SLMAP: variants seen among roughly 807,000 people sequenced by gnomAD.
The protein encoded by SLMAP is sarcolemmal membrane-associated protein.
SLMAP carries 44 observed loss-of-function variants against 128.8 expected under a neutral mutation model. The ratio of observed to expected loss-of-function variants is 0.34; its 90% CI spans 0.27 to 0.44. SLMAP has a LOEUF of 0.44. Ranked by LOEUF, SLMAP falls within the 20% of genes least tolerant of loss-of-function variation. The pLI is 1.00. For missense variants in SLMAP, 787 were observed against 985.3 expected, an observed-to-expected ratio of 0.80 and a Z score of 2.69; for synonymous variants, 327 against 348.8, an observed-to-expected ratio of 0.94 and a Z score of 0.70.
chr3:57,866,213 A>G (rs1182770787), intron 13 of SLMAP, among the ~76,000 whole-genome samples: 2 of 152,196 alleles, frequency 1.3e-5, no homozygotes, highest in Non-Finnish European at 2.9e-5. Flanking sequence ...TTGAGGCAGC[A>G]GTGAGCCATA....
chr3:57,794,791 G>A (rs1350193432), intron 2 of SLMAP, among the ~76,000 whole-genome samples: 2 of 152,218 alleles, frequency 1.3e-5, no homozygotes, highest in Non-Finnish European at 2.9e-5. Flanking sequence ...CCATTCTAGA[G>A]ATAGCTACCA....
At chr3:57,816,486 A>G (rs888998430) in intron 2 of SLMAP, among the ~76,000 whole-genome samples, 3 of 152,192 alleles carry the variant, frequency 2.0e-5, no homozygotes. Flanking sequence ...TATAGCATCC[A>G]TTATTTGGAT....
chr3:57,811,165 C>T (rs2090902287), intron 2 of SLMAP, among the ~76,000 whole-genome samples: 1 of 152,100 alleles, frequency 6.6e-6, no homozygotes, highest in African/African-American at 2.4e-5. Flanking sequence ...TGTTCTGTAA[C>T]CATTATCACC....
intron 14 of SLMAP, among the ~76,000 whole-genome samples, chr3:57,872,958 C>T (rs1012211821): frequency 1.6e-4 from 24 of 152,256 alleles, no homozygotes; most frequent in Middle Eastern, 3.4e-3. Context: ...ATGTGCCCCC[C>T]GCTACCCTGC....
intron 2 of SLMAP, among the ~76,000 whole-genome samples, chr3:57,812,853 T>G (rs2153516379): frequency 6.6e-6 from 1 of 152,128 alleles, no homozygotes; most frequent in African/African-American, 2.4e-5. Flanking sequence ...CTTTCCCAAC[T>G]CCCTAAGTTA....
chr3:57,897,823 G>A (rs1350776589), intron 17 of SLMAP: 2 of 152,086 alleles, frequency 1.3e-5, no homozygotes, highest in African/African-American at 4.8e-5. Flanking sequence ...GAATGAAGTG[G>A]GTAGAAAATA....
chr3:57,831,342 A>C, intron 2 of SLMAP, 41 bp from the exon 3 acceptor site: 28 of 1,285,246 alleles, frequency 2.2e-5, no homozygotes, highest in Non-Finnish European at 2.7e-5. Context: ...AATTATTACT[A>C]TTAATATTTG....
intron 5 of SLMAP, 112 bp downstream of exon 5, chr3:57,847,345 G>GCATTCTACATATTT: frequency 1.3e-6 from 1 of 756,516 alleles, no homozygotes; most frequent in Non-Finnish European, 2.3e-6. Flanking sequence ...AACAAAATAT[G>GCATTCTACATATTT]TAGAATGCAT....
chr3:57,889,698 A>T (rs540477452), intron 14 of SLMAP, among the ~76,000 whole-genome samples: 15 of 152,318 alleles, frequency 9.8e-5, no homozygotes, highest in South Asian at 2.1e-4. Flanking sequence ...CATTTGAATA[A>T]ATACCTTTTC....
intron 23 of SLMAP, among the ~76,000 whole-genome samples, chr3:57,925,455 G>A (rs1243502489): frequency 1.3e-5 from 2 of 151,568 alleles, no homozygotes; most frequent in Non-Finnish European, 2.9e-5. Context: ...AACCTCCAGA[G>A]TAGCTGGGAT....
chr3:57,892,809 C>T (rs112569339), intron 15 of SLMAP, among the ~76,000 whole-genome samples: 4 of 148,208 alleles, frequency 2.7e-5, no homozygotes, highest in African/African-American at 7.5e-5. Flanking sequence ...CACACACACA[C>T]ATACACACAC....
At chr3:57,913,738 C>T (rs1330900218) in intron 21 of SLMAP, among the ~76,000 whole-genome samples, 1 of 152,124 alleles carries the variant, frequency 6.6e-6, no homozygotes, top group Non-Finnish European at 1.5e-5. Flanking sequence ...GGGAGGATCG[C>T]TTGAGCCTGA....
At chr3:57,793,028 A>G (rs188091982) in intron 2 of SLMAP, among the ~76,000 whole-genome samples, 50 of 152,258 alleles carry the variant, frequency 3.3e-4, no homozygotes, top group African/African-American at 1.2e-3. Flanking sequence ...GGTCCCAGCA[A>G]CTTGGGAGGC....
At chr3:57,771,356 G>A (rs1423843970) in intron 2 of SLMAP, among the ~76,000 whole-genome samples, 2 of 152,138 alleles carry the variant, frequency 1.3e-5, no homozygotes, top group East Asian at 1.9e-4. Flanking sequence ...TCAGCCTCCC[G>A]AGTATATGGG....
chr3:57,771,273 G>T (rs1291417787), intron 2 of SLMAP, among the ~76,000 whole-genome samples: 1 of 151,620 alleles, frequency 6.6e-6, no homozygotes, highest in Non-Finnish European at 1.5e-5. Flanking sequence ...CACCCAAGCT[G>T]GAGTGCAATG....
At chr3:57,829,738 G>C (rs1419986962) in intron 2 of SLMAP, among the ~76,000 whole-genome samples, 1 of 152,124 alleles carries the variant, frequency 6.6e-6, no homozygotes, top group Non-Finnish European at 1.5e-5. Context: ...CAGCCTAGTG[G>C]CCTTTATATT....
In SLMAP at chr3:57,884,323, T is replaced by C. The variant is rs1221482985; in HGVS notation, c.1301-5718T>C. On this transcript the variant is annotated intron_variant, in intron 14 of 24. Transcript: ENST00000671191. ...GCTCTCTGGAGGCTGAAATGGAGAG[T>C]CTGTAGACTGGGGTATTTCAGATAT... Among the ~76,000 whole-genome samples the C allele has an allele frequency of 3.3e-5, 5 of 151,878 alleles. No homozygotes were observed. In the East Asian group the frequency reaches 9.7e-4, roughly 29 times the overall value.
At chr3:57,826,202 G>C (rs555273812) in intron 2 of SLMAP, among the ~76,000 whole-genome samples, 2 of 151,620 alleles carry the variant, frequency 1.3e-5, no homozygotes, top group Non-Finnish European at 2.9e-5. Context: ...ACCTTTTCTT[G>C]AGTTGTATAA....
chr3:57,798,656 A>G (rs1427178220), intron 2 of SLMAP, among the ~76,000 whole-genome samples: 1 of 152,238 alleles, frequency 6.6e-6, no homozygotes, highest in Non-Finnish European at 1.5e-5. Context: ...GTTTAACTCA[A>G]TTGATGCATA....
Sources: gnomAD v4.1 joint callset for allele counts (sites outside exome capture counted in the v4.1 genomes callset) on GRCh38, gnomAD v4.1.1 for gene constraint, MANE v1.5 for transcripts, NCBI Gene and HGNC (gene_info 2026-07-23, HGNC 2026-07-21) for gene names.